The following CORO2B variants were observed in gnomAD, a reference collection of about 807,000 sequenced individuals.
CORO2B encodes the protein coronin-2B.
Under a neutral mutation model 58.8 loss-of-function variants are expected in CORO2B, and 26 were observed. That is an observed-to-expected ratio of 0.44 (90% CI 0.32 to 0.61). The LOEUF is 0.61. CORO2B is among the 20% of genes least tolerant of loss of function. The pLI is 0.04. For missense variants in CORO2B, 460 were observed against 645.1 expected (o/e 0.71, Z 3.11); for synonymous variants, 242 against 253.8 (o/e 0.95, Z 0.44).
intron 3 of CORO2B, among the ~76,000 whole-genome samples, chr15:68,701,148 A>C (rs1892632965): frequency 6.6e-6 from 1 of 152,112 alleles, no homozygotes; most frequent in Admixed American, 6.5e-5. Context: ...CTGAGGGGCC[A>C]GTGCGCCGAG....
At chr15:68,522,554 A>G in the CORO2B span, among the ~76,000 whole-genome samples, 3 of 152,040 alleles carry the variant, frequency 2.0e-5, no homozygotes, top group African/African-American at 7.2e-5. Context: ...GGTTCAAGCG[A>G]TTCTCCTGCC....
intron 1 of CORO2B, among the ~76,000 whole-genome samples, chr15:68,591,307 G>A (rs567982929): frequency 1.3e-4 from 20 of 152,370 alleles, no homozygotes; most frequent in African/African-American, 4.8e-4. Flanking sequence ...AGGCATTCCA[G>A]GTTGAGCGGG....
the CORO2B span, among the ~76,000 whole-genome samples, chr15:68,570,668 G>A: frequency 6.6e-6 from 1 of 152,154 alleles, no homozygotes; most frequent in Non-Finnish European, 1.5e-5. Flanking sequence ...GCTGTGGTCT[G>A]TCCCAGTTAC....
chr15:68,551,747 T>A, the CORO2B span, among the ~76,000 whole-genome samples: 343 of 152,278 alleles, frequency 2.3e-3, 1 homozygote, highest in Non-Finnish European at 3.4e-3. Flanking sequence ...AAGTGGCAAA[T>A]AGAGTTACAA....
In CORO2B at chr15:68,712,699, C is replaced by T. The variant is rs188216004; in HGVS notation, c.648+993C>T. Among the ~76,000 whole-genome samples the T allele has an allele frequency of 3.2e-3, 483 of 152,192 alleles. 6 individuals are homozygous for T. The highest frequency in any genetic ancestry group is 0.011 in the African/African-American group (459 of 41,514). ...CTCACTGTGTGGCCTGCACTGTGCC[C>T]GGGGCTCTGCACATCATCTCATTTA... On this transcript the variant is annotated intron_variant, in intron 5 of 11. Transcript: ENST00000261861.
At position 68,645,509 on chromosome 15, in the gene CORO2B, G is replaced by C. The variant is rs1249914666; in HGVS notation, c.216+149G>C. The C allele has an allele frequency of 1.4e-6, 1 of 734,444 alleles. No homozygotes were observed. Among genetic ancestry groups the C allele is most frequent in the Admixed American group, 2.9e-5 (1 of 34,382 alleles). The allele number at this position is 734,444 out of a possible 1,614,324, so 45.5% of individuals were successfully genotyped here. On this transcript the variant is annotated intron_variant, in intron 2 of 11. Transcript: ENST00000261861. This position sits in a 1 kb window ranked among gnomAD's most constrained non-coding sequence, Gnocchi z 4.5. ...ATCTAGTGGCTATGCCTTCTTTAGG[G>C]TTTTCCTGAGATTCAACAGAACAAG...
the CORO2B span, among the ~76,000 whole-genome samples, chr15:68,564,844 C>T: frequency 6.6e-6 from 1 of 152,164 alleles, no homozygotes; most frequent in East Asian, 1.9e-4. Flanking sequence ...ATAGAATGAA[C>T]AAGTTTTCTG....
chr15:68,620,219 C>T (rs1198630733), intron 1 of CORO2B, among the ~76,000 whole-genome samples: 1 of 151,962 alleles, frequency 6.6e-6, no homozygotes, highest in African/African-American at 2.4e-5. Context: ...GCCTAATTGT[C>T]GTATATTTAT....
intron 1 of CORO2B, among the ~76,000 whole-genome samples, chr15:68,625,650 G>A (rs1428945393): frequency 6.6e-6 from 1 of 152,010 alleles, no homozygotes; most frequent in Non-Finnish European, 1.5e-5. Context: ...TGTCTCCCAG[G>A]CTAGAGTGCA....
chr15:68,602,789 A>G (rs1566982352), intron 1 of CORO2B, among the ~76,000 whole-genome samples: 1 of 152,252 alleles, frequency 6.6e-6, no homozygotes, highest in Non-Finnish European at 1.5e-5. Context: ...TCCTGAGAAC[A>G]CTAAGAAGCA....
chr15:68,528,096 A>G, the CORO2B span, among the ~76,000 whole-genome samples: 1 of 152,048 alleles, frequency 6.6e-6, no homozygotes, highest in South Asian at 2.1e-4. Flanking sequence ...AAGACAGTTT[A>G]TTTCTTCCTT....
chr15:68,523,466 G>A, the CORO2B span, among the ~76,000 whole-genome samples: 1 of 152,184 alleles, frequency 6.6e-6, no homozygotes, highest in Non-Finnish European at 1.5e-5. Context: ...CAAAGTGCTG[G>A]GACTATAGGC....
At chr15:68,725,106 C>T (rs1270152922) in intron 11 of CORO2B, among the ~76,000 whole-genome samples, 1 of 152,208 alleles carries the variant, frequency 6.6e-6, no homozygotes, top group East Asian at 1.9e-4. Context: ...TGGTAGCTTA[C>T]ACCTGTAATC....
chr15:68,682,139 C>A (rs537841976), intron 2 of CORO2B, among the ~76,000 whole-genome samples: 73 of 152,310 alleles, frequency 4.8e-4, no homozygotes, highest in African/African-American at 1.7e-3. Context: ...CAGGACAGCC[C>A]ACAGAGGGAG....
intron 5 of CORO2B, among the ~76,000 whole-genome samples, chr15:68,712,810 C>T (rs1892950757): frequency 6.6e-6 from 1 of 152,110 alleles, no homozygotes; most frequent in Non-Finnish European, 1.5e-5. Flanking sequence ...AGTTGGGAGA[C>T]TCGAATCTCA....
At chr15:68,553,433 C>G in the CORO2B span, among the ~76,000 whole-genome samples, 2 of 152,094 alleles carry the variant, frequency 1.3e-5, no homozygotes, top group African/African-American at 2.4e-5. Flanking sequence ...TGGAGTGATA[C>G]AAGGAAGGGC....
chr15:68,595,047 T>G (rs1899793018), intron 1 of CORO2B, among the ~76,000 whole-genome samples: 1 of 152,190 alleles, frequency 6.6e-6, no homozygotes, highest in Non-Finnish European at 1.5e-5. Context: ...TGCCCCTTGA[T>G]AGTATTTTAA....
the CORO2B span, among the ~76,000 whole-genome samples, chr15:68,564,992 T>C: frequency 6.6e-6 from 1 of 152,240 alleles, no homozygotes; most frequent in African/African-American, 2.4e-5. Context: ...AGAATCTCTA[T>C]AAAACCTATC....
intron 3 of CORO2B, among the ~76,000 whole-genome samples, chr15:68,698,630 G>A (rs1309348926): frequency 6.6e-6 from 1 of 152,162 alleles, no homozygotes; most frequent in Non-Finnish European, 1.5e-5. Context: ...GAGGGATCTG[G>A]TAGACCTGGG....
Sources: allele counts gnomAD v4.1 joint callset (sites outside exome capture counted in the v4.1 genomes callset), GRCh38; gene constraint gnomAD v4.1.1; non-coding constraint Gnocchi (gnomAD v3.1); transcripts MANE v1.5; gene names NCBI Gene and HGNC (gene_info 2026-07-23, HGNC 2026-07-21).